The following CDH20 variants were observed in gnomAD, a reference collection of about 807,000 sequenced individuals.
The protein encoded by CDH20 is cadherin 20, also known as cadherin-20.
Under a neutral mutation model 74.2 loss-of-function variants are expected in CDH20, and 29 were observed. The ratio of observed to expected loss-of-function variants is 0.39; its 90% CI spans 0.29 to 0.53. The LOEUF (loss-of-function observed/expected upper bound fraction) is 0.53, where lower values mean the gene tolerates loss of function less well. Ranked by LOEUF, CDH20 falls within the 20% of genes least tolerant of loss-of-function variation. The pLI, the probability that CDH20 is intolerant of heterozygous loss-of-function variation, is 0.69. For synonymous variants in CDH20, 469 were observed against 405.4 expected, an observed-to-expected ratio of 1.16 and a Z score of -1.88; for missense variants, 988 against 1,048.3, an observed-to-expected ratio of 0.94 and a Z score of 0.79.
chr18:61,459,899 A>C (rs1049125460), intron 1 of CDH20, among the ~76,000 whole-genome samples: 1 of 152,168 alleles, frequency 6.6e-6, no homozygotes, highest in African/African-American at 2.4e-5. Flanking sequence ...ACTCTTCAAA[A>C]ATTTAAATCA....
chr18:61,356,596 C>G (rs1425835706), intron 1 of CDH20, among the ~76,000 whole-genome samples: 1 of 152,092 alleles, frequency 6.6e-6, no homozygotes, highest in African/African-American at 2.4e-5. Context: ...TATTTTAATT[C>G]CCAAGCTAAT....
chr18:61,480,654 A>G (rs628695), intron 1 of CDH20, among the ~76,000 whole-genome samples: 151,062 of 152,326 alleles, frequency 0.99, 74,922 homozygotes, highest in Middle Eastern at 1. Flanking sequence ...GCCCTACGCA[A>G]TTCTCAGATT....
intron 1 of CDH20, among the ~76,000 whole-genome samples, chr18:61,352,490 T>A (rs897296932): frequency 1.2e-4 from 19 of 152,336 alleles, no homozygotes; most frequent in African/African-American, 4.3e-4. Context: ...TTTTACTATT[T>A]CTGGAGTTGT....
chr18:61,340,727 T>C (rs1909920992), intron 1 of CDH20, among the ~76,000 whole-genome samples: 1 of 152,196 alleles, frequency 6.6e-6, no homozygotes, highest in Non-Finnish European at 1.5e-5. Context: ...CCCTCACCAA[T>C]CCTAATAAGG....
At chr18:61,453,169 C>T (rs1909452488) in intron 1 of CDH20, among the ~76,000 whole-genome samples, 1 of 152,186 alleles carries the variant, frequency 6.6e-6, no homozygotes, top group Non-Finnish European at 1.5e-5. Flanking sequence ...CTCCCACCTC[C>T]ACTCACTCCT....
At chr18:61,552,585 T>C (rs1336279612) in intron 11 of CDH20, among the ~76,000 whole-genome samples, 1 of 152,136 alleles carries the variant, frequency 6.6e-6, no homozygotes, top group Non-Finnish European at 1.5e-5. Context: ...TGTGAAGCCC[T>C]ACCCAGTCTC....
Position 61,353,765 on chromosome 18 carries a change from A to G in CDH20, c.-153+19938A>G, listed in dbSNP as rs146599079. On this transcript the variant is annotated intron_variant, in intron 1 of 11. Coordinates refer to ENST00000262717, the MANE Select transcript of CDH20 (RefSeq NM_031891.4). This position sits in a 1 kb window ranked among gnomAD's most constrained non-coding sequence, Gnocchi z 4.6. Reference sequence around the variant, plus strand: ...CACAAGGACGTTCAGCTTTAAACTTATGTTAATAAAAGTTAAAAAAAATCT... The same window carrying G: ...CACAAGGACGTTCAGCTTTAAACTTGTGTTAATAAAAGTTAAAAAAAATCT... Among the ~76,000 whole-genome samples the G allele has an allele frequency of 1.0e-3, 158 of 152,188 alleles. 4 individuals are homozygous for G. In the East Asian group the frequency reaches 0.029, roughly 28 times the overall value.
intron 1 of CDH20, among the ~76,000 whole-genome samples, chr18:61,442,474 C>T (rs1445623831): frequency 6.6e-6 from 1 of 151,866 alleles, no homozygotes. Flanking sequence ...CTAAGTCTGG[C>T]CAAATGAGGG....
rs141455426 is a variant in CDH20 at position 61,349,306 on chromosome 18, A to G, written c.-153+15479A>G. On this transcript the variant is annotated intron_variant, in intron 1 of 11. Transcript: ENST00000262717. The stretch of plus-strand genomic sequence containing the variant: ...AAGCCCTAGAGATTGGTGCTTTCCC[A>G]GGGAAAACAGAAGACTTTCATGAAC... Among the ~76,000 whole-genome samples, 106 of 152,344 alleles carry G rather than the reference A, an allele frequency of 7.0e-4. 1 individual carries two copies. The highest frequency in any genetic ancestry group is 2.5e-3 in the African/African-American group (102 of 41,592).
chr18:61,358,377 C>T (rs1481014516), intron 1 of CDH20, among the ~76,000 whole-genome samples: 1 of 152,168 alleles, frequency 6.6e-6, no homozygotes, highest in Non-Finnish European at 1.5e-5. Flanking sequence ...ACCTCGGCCT[C>T]CCAGAGTGCT....
intron 1 of CDH20, among the ~76,000 whole-genome samples, chr18:61,397,698 C>G (rs995949038): frequency 1.3e-5 from 2 of 152,182 alleles, no homozygotes; most frequent in African/African-American, 2.4e-5. Context: ...TTGAAGCCAG[C>G]CTGCCTGGGT....
chr18:61,442,228 G>A (rs1909055318), intron 1 of CDH20, among the ~76,000 whole-genome samples: 1 of 152,062 alleles, frequency 6.6e-6, no homozygotes, highest in Non-Finnish European at 1.5e-5. Context: ...GCATGTGCCT[G>A]TAGTCCCAGC....
chr18:61,425,803 A>G (rs1440398171), intron 1 of CDH20, among the ~76,000 whole-genome samples: 1 of 152,140 alleles, frequency 6.6e-6, no homozygotes, highest in Non-Finnish European at 1.5e-5. Context: ...CCACTAAAGA[A>G]CTTATCCATG....
At chr18:61,513,765 G>A (rs538772709) in intron 6 of CDH20, among the ~76,000 whole-genome samples, 92 of 152,214 alleles carry the variant, frequency 6.0e-4, no homozygotes, top group Non-Finnish European at 1.2e-3. Flanking sequence ...ATGAAGCTTA[G>A]TTTGGCTGGA....
intron 1 of CDH20, among the ~76,000 whole-genome samples, chr18:61,435,587 G>A (rs1223191524): frequency 1.3e-4 from 20 of 152,036 alleles, no homozygotes; most frequent in Admixed American, 1.3e-3. Flanking sequence ...AAATGCAGGA[G>A]GGATGCCATT....
chr18:61,500,078 T>G, intron 3 of CDH20, among the ~76,000 whole-genome samples: 1 of 113,840 alleles, frequency 8.8e-6, no homozygotes, highest in African/African-American at 3.5e-5. Flanking sequence ...CACTCCAGCC[T>G]GGCGACAGAG....
chr18:61,340,900 C>A (rs1449054839), intron 1 of CDH20, among the ~76,000 whole-genome samples: 2 of 152,066 alleles, frequency 1.3e-5, no homozygotes. Flanking sequence ...ATATATGTTT[C>A]TTTTTAATTT....
chr18:61,425,057 CT>C (rs1218811954), intron 1 of CDH20, among the ~76,000 whole-genome samples: 1 of 146,098 alleles, frequency 6.8e-6, no homozygotes, highest in Non-Finnish European at 1.5e-5. Flanking sequence ...CTCTCTCTCT[CT>C]CTCTCTCTCT....
At chr18:61,481,664 G>T (rs932334168) in intron 1 of CDH20, among the ~76,000 whole-genome samples, 1 of 151,880 alleles carries the variant, frequency 6.6e-6, no homozygotes, top group Admixed American at 6.6e-5. Context: ...CATTTATATG[G>T]CATCAGATGC....
Sources: gnomAD v4.1 joint callset for allele counts (sites outside exome capture counted in the v4.1 genomes callset) on GRCh38, gnomAD v4.1.1 for gene constraint, Gnocchi (gnomAD v3.1) non-coding constraint, MANE v1.5 for transcripts, NCBI Gene and HGNC (gene_info 2026-07-23, HGNC 2026-07-21) for gene names.